Variants in WARS2 observed in about 807,000 individuals in gnomAD.
WARS2 encodes the protein tryptophanyl tRNA synthetase 2, mitochondrial.
Under a neutral mutation model 36.5 loss-of-function variants are expected in WARS2, and 28 were observed. The ratio of observed to expected loss-of-function variants is 0.77; its 90% confidence interval spans 0.57 to 1.05. The LOEUF is 1.05. Ranked by LOEUF, WARS2 falls within the 50% of genes least tolerant of loss-of-function variation. The probability of loss-of-function intolerance (pLI) is 0.00; values close to 1 mark genes in which losing one functional copy is unlikely to be tolerated. For synonymous variants in WARS2, 174 were observed against 178.4 expected (o/e 0.98, Z 0.20); for missense variants, 435 against 456.8 (o/e 0.95, Z 0.44).
intron 1 of WARS2, among the ~76,000 whole-genome samples, chr1:119,122,496 G>T (rs941985718): frequency 6.6e-6 from 1 of 152,144 alleles, no homozygotes; most frequent in Non-Finnish European, 1.5e-5. Context: ...ATTCCTTAAA[G>T]AATTAAAAGT....
At chr1:119,136,804 T>C (rs1656542723) in intron 1 of WARS2, among the ~76,000 whole-genome samples, 1 of 152,234 alleles carries the variant, frequency 6.6e-6, no homozygotes, top group Non-Finnish European at 1.5e-5. Context: ...TTGTGTGACA[T>C]TGGGCAAGTT....
At chr1:119,104,938 C>T (rs922277579) in intron 1 of WARS2, among the ~76,000 whole-genome samples, 2 of 151,888 alleles carry the variant, frequency 1.3e-5, no homozygotes, top group African/African-American at 4.8e-5. Flanking sequence ...GCAAATGATT[C>T]GAGGATTTTT....
At chr1:119,108,509 G>A (rs916971738) in intron 1 of WARS2, among the ~76,000 whole-genome samples, 6 of 151,392 alleles carry the variant, frequency 4.0e-5, no homozygotes, top group Admixed American at 1.3e-4. Flanking sequence ...TCCTTTTAAT[G>A]TCTGTGGGAT....
chr1:119,120,667 A>C (rs1048742486), intron 1 of WARS2, among the ~76,000 whole-genome samples: 2 of 152,056 alleles, frequency 1.3e-5, no homozygotes, highest in East Asian at 3.9e-4. Flanking sequence ...ACTGAATTCA[A>C]CACAATATCA....
intron 4 of WARS2, among the ~76,000 whole-genome samples, chr1:119,039,454 C>G (rs1429954288): frequency 6.6e-6 from 1 of 151,632 alleles, no homozygotes; most frequent in African/African-American, 2.4e-5. Context: ...GAGAGAGAGA[C>G]ATATACACAG....
At position 119,042,312 on chromosome 1, in the gene WARS2, C is replaced by T. The variant is rs140008988; in HGVS notation, c.467G>A (p.Gly156Asp). Residue 156 changes from glycine (G) to aspartate (D), a missense_variant, in exon 4 of 6, where the codon GGC (glycine) becomes GAC (aspartate). Transcript: ENST00000235521. ...TTKQKHDGTV[G>D]LLTYPVLQAA... ...CTGGAGTACTGGGTATGTGAGCAGG[C>T]CCACCGTGCCATCGTGCTTCTGCTT... The T allele has an allele frequency of 5.9e-5, 96 of 1,613,574 alleles. No individual in the cohort carries two copies. The highest frequency in any genetic ancestry group is 5.5e-5 in the Non-Finnish European group (65 of 1,179,864).
At chr1:119,127,171 T>C (rs1655722867) in intron 1 of WARS2, 5 of 725,920 alleles carry the variant, frequency 6.9e-6, no homozygotes, top group South Asian at 2.7e-5. Flanking sequence ...GTATTTCTTA[T>C]ATTGAACATA....
chr1:119,051,762 A>ATTTTTT (rs527937756), intron 2 of WARS2, among the ~76,000 whole-genome samples: 2 of 114,312 alleles, frequency 1.7e-5, no homozygotes, highest in Non-Finnish European at 3.5e-5. Flanking sequence ...TCTCGCTGTA[A>ATTTTTT]TTTTTTTTTT....
chr1:119,116,565 A>T (rs993850426), intron 1 of WARS2, among the ~76,000 whole-genome samples: 4 of 152,214 alleles, frequency 2.6e-5, no homozygotes, highest in African/African-American at 9.6e-5. Flanking sequence ...GTGAGTTCCC[A>T]AAGTGTGAAA....
chr1:119,075,268 T>G (rs1406526631), intron 2 of WARS2, among the ~76,000 whole-genome samples: 1 of 152,164 alleles, frequency 6.6e-6, no homozygotes, highest in African/African-American at 2.4e-5. Flanking sequence ...ACTATTTGCA[T>G]AGCATTTATA....
At chr1:119,101,362 T>C (rs1427465220) in intron 1 of WARS2, among the ~76,000 whole-genome samples, 1 of 152,152 alleles carries the variant, frequency 6.6e-6, no homozygotes, top group African/African-American at 2.4e-5. Context: ...TGTTACTTTT[T>C]ATGAAGGATA....
At chr1:119,105,066 T>G (rs587607456) in intron 1 of WARS2, among the ~76,000 whole-genome samples, 1 of 152,188 alleles carries the variant, frequency 6.6e-6, no homozygotes, top group South Asian at 2.1e-4. Context: ...GGAGCAGAGG[T>G]AAGCAGCAGC....
chr1:119,093,150 T>G (rs1363828118), intron 1 of WARS2, among the ~76,000 whole-genome samples: 1 of 152,082 alleles, frequency 6.6e-6, no homozygotes, highest in African/African-American at 2.4e-5. Flanking sequence ...TGAATCAACA[T>G]TAATTAAGCA....
intron 1 of WARS2, among the ~76,000 whole-genome samples, chr1:119,087,298 G>C (rs1214419541): frequency 1.3e-5 from 2 of 152,106 alleles, no homozygotes; most frequent in Non-Finnish European, 2.9e-5. Context: ...CCTTATAAAT[G>C]TTAACTGAAT....
At chr1:119,127,350 GA>G (rs1377763885) in intron 1 of WARS2, 32 of 400,724 alleles carry the variant, frequency 8.0e-5, no homozygotes, top group South Asian at 1.0e-4. Context: ...TTTTACAGAT[GA>G]AAAAAAATTA....
intron 4 of WARS2, among the ~76,000 whole-genome samples, chr1:119,041,526 C>G (rs1256209989): frequency 6.6e-6 from 1 of 152,164 alleles, no homozygotes. Flanking sequence ...AAAACTTGCT[C>G]TCAACCTGTA....
chr1:119,075,220 G>GA (rs1324684686), intron 2 of WARS2, among the ~76,000 whole-genome samples: 3 of 151,686 alleles, frequency 2.0e-5, no homozygotes, highest in Non-Finnish European at 2.9e-5. Context: ...TACCACGATA[G>GA]AAAAATAATA....
At chr1:119,048,757 C>G (rs962708051) in intron 2 of WARS2, among the ~76,000 whole-genome samples, 2 of 152,146 alleles carry the variant, frequency 1.3e-5, no homozygotes, top group African/African-American at 4.8e-5. Flanking sequence ...ACACCCTCGT[C>G]CTGTGCCTAT....
intron 1 of WARS2, among the ~76,000 whole-genome samples, chr1:119,123,414 A>G (rs1348387852): frequency 6.6e-6 from 1 of 152,184 alleles, no homozygotes; most frequent in Non-Finnish European, 1.5e-5. Context: ...CTGATTCCAT[A>G]CCCATCAAGC....
Sources: gnomAD v4.1 joint callset for allele counts (sites outside exome capture counted in the v4.1 genomes callset) on GRCh38, gnomAD v4.1.1 for gene constraint, MANE v1.5 for transcripts, NCBI Gene and HGNC (gene_info 2026-07-23, HGNC 2026-07-21) for gene names.